PCSK2: variants seen among roughly 807,000 people sequenced by gnomAD.
PCSK2 encodes the protein proprotein convertase subtilisin/kexin type 2, also known as neuroendocrine convertase 2.
A neutral mutation model predicts 69.7 loss-of-function variants in PCSK2; 14 were observed. The ratio of observed to expected loss-of-function variants is 0.20; its 90% CI spans 0.13 to 0.31. The LOEUF (loss-of-function observed/expected upper bound fraction) is 0.31. Among genes scored for constraint, PCSK2 ranks in the 10% least tolerant of loss-of-function variants. The probability of loss-of-function intolerance (pLI) is 1.00; values close to 1 mark genes in which losing one functional copy is unlikely to be tolerated. For synonymous variants in PCSK2, 307 were observed against 320.7 expected (o/e 0.96, Z 0.46); for missense variants, 544 against 842.5 (o/e 0.65, Z 4.39).
chr20:17,226,179 C>A (rs762399913), upstream of PCSK2: 1 of 152,176 alleles, frequency 6.6e-6, no homozygotes, highest in Non-Finnish European at 1.5e-5. Context: ...CCGTGTCCAC[C>A]CCGGCCGCGT....
chr20:17,282,788 T>A (rs1988368562), intron 2 of PCSK2, among the ~76,000 whole-genome samples: 1 of 152,180 alleles, frequency 6.6e-6, no homozygotes, highest in Non-Finnish European at 1.5e-5. Flanking sequence ...GGCTTTTCTC[T>A]TTGTAAATAA....
intron 1 of PCSK2, among the ~76,000 whole-genome samples, chr20:17,236,567 A>T (rs1044212959): frequency 6.6e-6 from 1 of 152,138 alleles, no homozygotes; most frequent in African/African-American, 2.4e-5. Context: ...ATTGTGTTAC[A>T]TATAAATATT....
chr20:17,256,974 G>A (rs1426644306), intron 1 of PCSK2, among the ~76,000 whole-genome samples: 2 of 152,108 alleles, frequency 1.3e-5, no homozygotes, highest in Admixed American at 6.5e-5. Flanking sequence ...TGGCTGCATA[G>A]CATTCCATGG....
At chr20:17,259,059 C>T (rs923729717) in intron 1 of PCSK2, among the ~76,000 whole-genome samples, 2 of 151,900 alleles carry the variant, frequency 1.3e-5, no homozygotes, top group Admixed American at 6.6e-5. Flanking sequence ...CACTGAGGTT[C>T]TATGTGATCT....
chr20:17,465,034 A>G (rs926808299), intron 10 of PCSK2: 1 of 422,966 alleles, frequency 2.4e-6, no homozygotes, highest in Non-Finnish European at 4.4e-6. Context: ...CATCTTCAAC[A>G]CTTAACATTG....
At chr20:17,471,117 C>G (rs991142365) in intron 11 of PCSK2, among the ~76,000 whole-genome samples, 1 of 152,056 alleles carries the variant, frequency 6.6e-6, no homozygotes, top group African/African-American at 2.4e-5. Flanking sequence ...AGGAGGGGAG[C>G]ACCGCGGGAG....
Position 17,238,934 on chromosome 20 carries a change from A to G in PCSK2, c.177+11452A>G, listed in dbSNP as rs536511403. On this transcript the variant is annotated intron_variant, in intron 1 of 11. Transcript: ENST00000262545. Reference sequence around the variant, plus strand: ...AAGCACTCAATAAATACCAAAATAAATACTGAGAAAAAAATTTAAAGGCTT... The same window carrying G: ...AAGCACTCAATAAATACCAAAATAAGTACTGAGAAAAAAATTTAAAGGCTT... Among the ~76,000 whole-genome samples the G allele has an allele frequency of 5.3e-5, 8 of 152,300 alleles. No homozygotes were observed. The South Asian group carries it at 1.7e-3, about 32-fold the overall frequency.
In PCSK2 at chr20:17,395,876, T is replaced by C. The variant is rs16999081; in HGVS notation, c.544-13387T>C. Among the ~76,000 whole-genome samples, 1,333 of 152,266 alleles carry C rather than the reference T, an allele frequency of 8.8e-3. 14 individuals are homozygous for C. The highest frequency in any genetic ancestry group is 0.036 in the South Asian group (174 of 4,818). ...ATCAGTGAACTCATCTTTGCTATTT[T>C]TAGAGCTGAAAAAGGAGAAGCAGGT... On this transcript the variant is annotated intron_variant, in intron 5 of 11. Transcript: ENST00000262545.
At chr20:17,243,165 T>A (rs927004680) in intron 1 of PCSK2, among the ~76,000 whole-genome samples, 1 of 152,190 alleles carries the variant, frequency 6.6e-6, no homozygotes, top group Admixed American at 6.5e-5. Context: ...TCATGTACTC[T>A]ATATTTCATT....
At chr20:17,369,421 T>C in intron 5 of PCSK2, 144 bp downstream of exon 5, 1 of 720,614 alleles carries the variant, frequency 1.4e-6, no homozygotes, top group Non-Finnish European at 2.5e-6. Context: ...CACACAGGAG[T>C]ACAGCTGCTG....
chr20:17,406,207 T>A (rs933319258), intron 5 of PCSK2, among the ~76,000 whole-genome samples: 2 of 152,194 alleles, frequency 1.3e-5, no homozygotes, highest in Non-Finnish European at 2.9e-5. Flanking sequence ...CAAATAACTT[T>A]ATGGGAGACA....
chr20:17,230,734 C>G (rs1197235859), intron 1 of PCSK2, among the ~76,000 whole-genome samples: 1 of 152,080 alleles, frequency 6.6e-6, no homozygotes, highest in East Asian at 1.9e-4. Context: ...TATATAGTCT[C>G]CATATCTAGC....
intron 2 of PCSK2, among the ~76,000 whole-genome samples, chr20:17,320,144 C>A (rs1989819127): frequency 6.6e-6 from 1 of 152,146 alleles, no homozygotes; most frequent in African/African-American, 2.4e-5. Context: ...ATTCATAAGG[C>A]AGTACTTCTC....
intron 10 of PCSK2, chr20:17,465,050 C>T (rs939547979): frequency 2.2e-6 from 1 of 449,792 alleles, no homozygotes; most frequent in Non-Finnish European, 4.1e-6. Context: ...CATTGTCAGT[C>T]TTTTTCATTT....
chr20:17,232,949 C>T (rs1438274485), intron 1 of PCSK2, among the ~76,000 whole-genome samples: 1 of 152,180 alleles, frequency 6.6e-6, no homozygotes, highest in Non-Finnish European at 1.5e-5. Context: ...GACATGGCTG[C>T]CATTCATGTT....
chr20:17,248,861 G>C (rs1354074509), intron 1 of PCSK2, among the ~76,000 whole-genome samples: 1 of 152,098 alleles, frequency 6.6e-6, no homozygotes, highest in Non-Finnish European at 1.5e-5. Context: ...GGTTACAAAG[G>C]GGCTGGGACG....
At chr20:17,425,790 G>A (rs1424029430) in intron 6 of PCSK2, among the ~76,000 whole-genome samples, 1 of 152,092 alleles carries the variant, frequency 6.6e-6, no homozygotes, top group Non-Finnish European at 1.5e-5. Flanking sequence ...AATGTTCCTG[G>A]GCTTTTTTGC....
intron 11 of PCSK2, among the ~76,000 whole-genome samples, chr20:17,473,331 T>A (rs6136106): frequency 0.54 from 82,624 of 151,848 alleles, 22,707 homozygotes; most frequent in East Asian, 0.66. Context: ...TGACCTCGTG[T>A]TCCGACCCCT....
chr20:17,436,241 C>T (rs1263011719), intron 7 of PCSK2, among the ~76,000 whole-genome samples: 1 of 152,114 alleles, frequency 6.6e-6, no homozygotes, highest in Admixed American at 6.5e-5. Context: ...TGCCCCTGCC[C>T]CTCTCTCTGT....
Sources: gnomAD v4.1 joint callset for allele counts (sites outside exome capture counted in the v4.1 genomes callset) on GRCh38, gnomAD v4.1.1 for gene constraint, MANE v1.5 for transcripts, NCBI Gene and HGNC (gene_info 2026-07-23, HGNC 2026-07-21) for gene names.